The following CYYR1 variants were observed in gnomAD, a reference collection of about 807,000 sequenced individuals.
CYYR1 encodes cysteine and tyrosine rich 1, also known as cysteine and tyrosine-rich protein 1.
Under a neutral mutation model 15.2 loss-of-function variants are expected in CYYR1, and 14 were observed. The observed-to-expected ratio is 0.92, with a 90% CI of 0.61 to 1.44. CYYR1 has a LOEUF of 1.44. Ranked by LOEUF, CYYR1 falls within the 40% of genes most tolerant of loss-of-function variation. The pLI is 0.00. For synonymous variants in CYYR1, 80 were observed against 77.4 expected (o/e 1.03, Z -0.18); for missense variants, 228 against 209.5 (o/e 1.09, Z -0.54).
intron 2 of CYYR1, among the ~76,000 whole-genome samples, chr21:26,521,704 A>T (rs1445269852): frequency 6.6e-6 from 1 of 152,208 alleles, no homozygotes; most frequent in Admixed American, 6.5e-5. Context: ...TCATGGATAC[A>T]TGCTGTATAT....
intron 3 of CYYR1, chr21:26,471,828 C>T (rs1601720039): frequency 6.6e-6 from 1 of 152,070 alleles, no homozygotes. Context: ...CCTTTCATAA[C>T]CAATATTCTA....
At chr21:26,529,627 T>G (rs1435927384) in intron 2 of CYYR1, among the ~76,000 whole-genome samples, 12 of 152,244 alleles carry the variant, frequency 7.9e-5, no homozygotes. Context: ...AGTAGCATAG[T>G]GCATATAAAT....
intron 2 of CYYR1, among the ~76,000 whole-genome samples, chr21:26,488,240 A>ACTTACTTCCTTCCTTCCTTC (rs1555904365): frequency 4.7e-4 from 65 of 139,422 alleles, no homozygotes; most frequent in Middle Eastern, 3.6e-3. Context: ...ATCTTCCCCT[A>ACTTACTTCCTTCCTTCCTTC]CTTCCTTCCT....
At chr21:26,476,576 C>T (rs998808605) in intron 3 of CYYR1, among the ~76,000 whole-genome samples, 1 of 132,456 alleles carries the variant, frequency 7.5e-6, no homozygotes, top group Non-Finnish European at 1.6e-5. Context: ...GTTTGTCTAC[C>T]CTATCTATCA....
intron 2 of CYYR1, among the ~76,000 whole-genome samples, chr21:26,547,362 T>A (rs1222207732): frequency 6.6e-6 from 1 of 152,172 alleles, no homozygotes; most frequent in Non-Finnish European, 1.5e-5. Context: ...TGAAGTCATA[T>A]GGGAGGAACA....
intron 2 of CYYR1, among the ~76,000 whole-genome samples, chr21:26,533,435 A>G (rs1424802149): frequency 6.6e-6 from 1 of 152,034 alleles, no homozygotes; most frequent in Non-Finnish European, 1.5e-5. Context: ...GAGCTCAAAG[A>G]TCTGAGAACA....
rs2064990971 is a variant in CYYR1 at position 26,468,180 on chromosome 21, T to A, written c.*321A>T. 3.0e-6 allele frequency: 1 copy of A among 331,646 alleles called. No individual in the cohort carries two copies. The allele number at this position is 331,646 out of a possible 1,614,324, so 20.5% of individuals were successfully genotyped here. A position where few individuals can be genotyped will look rare whatever the true frequency, so the allele number is the denominator to read the frequency against. On this transcript the variant is annotated 3_prime_UTR_variant, in exon 4 of 4. Coordinates refer to ENST00000652641, the MANE Select transcript of CYYR1 (RefSeq NM_001320768.2). ...TCTTCTTTTTTTCCAGGATCAATAC[T>A]GAAACTTTCTTCACCTAGCCCTTAA...
At chr21:26,490,425 A>T (rs1306904272) in intron 2 of CYYR1, among the ~76,000 whole-genome samples, 4 of 152,192 alleles carry the variant, frequency 2.6e-5, no homozygotes, top group Non-Finnish European at 5.9e-5. Flanking sequence ...CATGTACTAG[A>T]TAGCAAACAA....
At chr21:26,527,356 T>C (rs1243116524) in intron 2 of CYYR1, among the ~76,000 whole-genome samples, 1 of 152,164 alleles carries the variant, frequency 6.6e-6, no homozygotes, top group Non-Finnish European at 1.5e-5. Flanking sequence ...TTGGGTAAAA[T>C]TGATACCTTT....
At chr21:26,492,885 C>T (rs1205558517) in intron 2 of CYYR1, among the ~76,000 whole-genome samples, 1 of 152,018 alleles carries the variant, frequency 6.6e-6, no homozygotes, top group Non-Finnish European at 1.5e-5. Context: ...AAACTAGGTT[C>T]TATGAGATCA....
chr21:26,550,810 T>C (rs570019954), intron 2 of CYYR1: 1 of 152,350 alleles, frequency 6.6e-6, no homozygotes, highest in Admixed American at 6.5e-5. Flanking sequence ...CAAATGCTGA[T>C]GTAGAAGCTG....
chr21:26,480,500 A>G (rs1195133772), intron 2 of CYYR1, 71 bp from the exon 3 acceptor site: 10 of 1,438,146 alleles, frequency 7.0e-6, no homozygotes, highest in Non-Finnish European at 8.5e-6. Context: ...GTAGAGCTCC[A>G]TGATTATAGG....
chr21:26,545,281 GA>G (rs1419586001), intron 2 of CYYR1, among the ~76,000 whole-genome samples: 1 of 145,160 alleles, frequency 6.9e-6, no homozygotes, highest in East Asian at 2.0e-4. Flanking sequence ...TGGTAGAATG[GA>G]ATTGTTCTAA....
At chr21:26,531,142 C>T (rs556333105) in intron 2 of CYYR1, among the ~76,000 whole-genome samples, 58 of 152,210 alleles carry the variant, frequency 3.8e-4, no homozygotes, top group Middle Eastern at 3.4e-3. Context: ...TTAACCAGTC[C>T]ATTATTACGC....
chr21:26,499,613 C>T (rs1006217013), intron 2 of CYYR1, among the ~76,000 whole-genome samples: 7 of 152,154 alleles, frequency 4.6e-5, no homozygotes, highest in Non-Finnish European at 1.0e-4. Context: ...TGTACAAGTC[C>T]AGTAGTGCAG....
intron 2 of CYYR1, among the ~76,000 whole-genome samples, chr21:26,485,666 C>G (rs1431065787): frequency 6.6e-6 from 1 of 151,986 alleles, no homozygotes; most frequent in Non-Finnish European, 1.5e-5. Flanking sequence ...TAGTTCATTC[C>G]TAGATGAGCA....
intron 2 of CYYR1, among the ~76,000 whole-genome samples, chr21:26,500,122 A>C (rs1196122524): frequency 6.6e-6 from 1 of 152,080 alleles, no homozygotes; most frequent in African/African-American, 2.4e-5. Context: ...AGAGAGAAGA[A>C]CCTTTGGTGG....
At chr21:26,548,918 G>A (rs556505074) in intron 2 of CYYR1, among the ~76,000 whole-genome samples, 6 of 152,282 alleles carry the variant, frequency 3.9e-5, no homozygotes, top group African/African-American at 1.2e-4. Context: ...AAGGTCTAGT[G>A]TTTACAACTG....
intron 3 of CYYR1, among the ~76,000 whole-genome samples, chr21:26,471,946 AAT>A (rs942428846): frequency 6.6e-6 from 1 of 152,180 alleles, no homozygotes; most frequent in African/African-American, 2.4e-5. Flanking sequence ...GAAGAAATGT[AAT>A]GTTTTCTACC....
Sources: gnomAD v4.1 joint callset for allele counts (sites outside exome capture counted in the v4.1 genomes callset) on GRCh38, gnomAD v4.1.1 for gene constraint, MANE v1.5 for transcripts, NCBI Gene and HGNC (gene_info 2026-07-23, HGNC 2026-07-21) for gene names.